The following PTPRD variants were observed in gnomAD, a reference collection of about 807,000 sequenced individuals.
The protein encoded by PTPRD is protein tyrosine phosphatase receptor type D.
In PTPRD, 34 loss-of-function variants were observed where a neutral mutation model predicts 214.5. That is an observed-to-expected ratio of 0.16 (90% confidence interval 0.12 to 0.21). The LOEUF (loss-of-function observed/expected upper bound fraction) is 0.21, where lower values mean the gene tolerates loss of function less well. PTPRD is among the 10% of genes least tolerant of loss of function. The pLI is 1.00. For synonymous variants in PTPRD, 1,128 were observed against 845.7 expected (o/e 1.33, Z -5.79); for missense variants, 2,545 against 2,398.7 (o/e 1.06, Z -1.27).
chr9:10,012,993 C>A (rs895733486), intron 4 of PTPRD, among the ~76,000 whole-genome samples: 3 of 151,866 alleles, frequency 2.0e-5, no homozygotes, highest in Non-Finnish European at 4.4e-5. Context: ...TTTTAATAAT[C>A]ATTTCCATGA....
At chr9:10,060,918 TTC>T (rs1445054086) in intron 3 of PTPRD, among the ~76,000 whole-genome samples, 1 of 124,464 alleles carries the variant, frequency 8.0e-6, no homozygotes, top group Non-Finnish European at 1.5e-5. Context: ...CTTTCTTTCT[TTC>T]TTTCTTTCTT....
At chr9:9,701,364 T>C (rs1036736527) in intron 7 of PTPRD, among the ~76,000 whole-genome samples, 1 of 152,192 alleles carries the variant, frequency 6.6e-6, no homozygotes, top group Non-Finnish European at 1.5e-5. Context: ...TGCTAATAAT[T>C]ACATGGTGTG....
chr9:10,118,769 A>G (rs888021611), intron 3 of PTPRD, among the ~76,000 whole-genome samples: 1 of 151,508 alleles, frequency 6.6e-6, no homozygotes, highest in African/African-American at 2.4e-5. Context: ...TCCAATCACA[A>G]CTAGAATTTG....
At chr9:9,418,430 A>G (rs774972669) in intron 8 of PTPRD, among the ~76,000 whole-genome samples, 26 of 152,000 alleles carry the variant, frequency 1.7e-4, no homozygotes, top group Non-Finnish European at 3.5e-4. Flanking sequence ...TAATGACAAT[A>G]AGAGCTCTTA....
rs539128181 is a variant in PTPRD at position 9,765,836 on chromosome 9, T to G, written c.-326+974A>C. On this transcript the variant is annotated intron_variant, in intron 6 of 45. Coordinates refer to ENST00000381196, the MANE Select transcript of PTPRD (RefSeq NM_002839.4). ...CCACCACCCCTGGCTAATTTTTTTT[T>G]TATTTTTAGTAGAGACGGGGTTTCA... is the stretch of plus-strand genomic sequence containing the variant. Among the ~76,000 whole-genome samples, 693 of 152,070 alleles carry G rather than the reference T, an allele frequency of 4.6e-3. 2 individuals are homozygous for G. The highest frequency in any genetic ancestry group is 0.016 in the African/African-American group (654 of 41,510).
chr9:8,967,670 C>A (rs905791735), intron 11 of PTPRD, among the ~76,000 whole-genome samples: 3 of 152,054 alleles, frequency 2.0e-5, no homozygotes, highest in Middle Eastern at 3.4e-3. Flanking sequence ...TCATAACATG[C>A]AAAAAATAAA....
intron 2 of PTPRD, among the ~76,000 whole-genome samples, chr9:10,601,457 T>G (rs1419224847): frequency 2.0e-5 from 3 of 151,760 alleles, no homozygotes; most frequent in African/African-American, 7.2e-5. Flanking sequence ...TTTTGCTTAT[T>G]TTAGCTAAAT....
intron 32 of PTPRD, among the ~76,000 whole-genome samples, chr9:8,464,331 G>A (rs1294191066): frequency 6.6e-6 from 1 of 152,002 alleles, no homozygotes; most frequent in Non-Finnish European, 1.5e-5. Context: ...TTCCCTTGAT[G>A]TTCTGCCTTA....
chr9:9,062,946 C>A (rs2154402407), intron 10 of PTPRD, among the ~76,000 whole-genome samples: 1 of 152,250 alleles, frequency 6.6e-6, no homozygotes, highest in African/African-American at 2.4e-5. Context: ...TATTTGAATT[C>A]ATCAGAGAAA....
intron 2 of PTPRD, among the ~76,000 whole-genome samples, chr9:10,606,584 G>C (rs1389834769): frequency 6.8e-6 from 1 of 147,696 alleles, no homozygotes; most frequent in Admixed American, 6.8e-5. Context: ...CCTGGAACTT[G>C]AGATAAAATA....
chr9:8,341,742 G>A lies in PTPRD; in HGVS notation c.4898C>T (p.Thr1633Ile), dbSNP rs768923548. The A allele has an allele frequency of 2.5e-6, 4 of 1,613,422 alleles. No homozygotes were observed. The highest frequency in any genetic ancestry group is 2.5e-6 in the Non-Finnish European group (3 of 1,179,656). ...GACATTCTCTCCCGTTTCTATTTGT[G>A]TCAGCTTCTGAATGTAGGCATACAA... ...RNLYAYIQKL[T>I]QIETGENVTG... Residue 1633 changes from threonine (T) to isoleucine (I), a missense_variant, in exon 40 of 46, where the codon ACA (threonine) becomes ATA (isoleucine). Physicochemically the swap from Thr to Ile is moderately conservative, Grantham distance 89. Transcript: ENST00000381196.
chr9:8,679,613 A>G (rs893773573), intron 12 of PTPRD, among the ~76,000 whole-genome samples: 5 of 152,238 alleles, frequency 3.3e-5, no homozygotes, highest in Admixed American at 2.0e-4. Context: ...TGTTGCAGGA[A>G]AAACACATGT....
At chr9:8,709,502 G>T in intron 12 of PTPRD, among the ~76,000 whole-genome samples, 1 of 133,236 alleles carries the variant, frequency 7.5e-6, no homozygotes, top group Non-Finnish European at 1.6e-5. Context: ...GAGACAGAGT[G>T]AGACTCCATC....
At chr9:8,479,229 G>A (rs557688692) in intron 30 of PTPRD, among the ~76,000 whole-genome samples, 1 of 152,228 alleles carries the variant, frequency 6.6e-6, no homozygotes, top group South Asian at 2.1e-4. Flanking sequence ...ATCCCTTTAA[G>A]AATTCCAATA....
chr9:10,248,467 C>T (rs995769493), intron 3 of PTPRD, among the ~76,000 whole-genome samples: 26 of 135,152 alleles, frequency 1.9e-4, no homozygotes, highest in Admixed American at 7.3e-4. Context: ...CAACATGGAT[C>T]GTGTTAAACA....
intron 9 of PTPRD, among the ~76,000 whole-genome samples, chr9:9,285,999 T>C (rs941096997): frequency 6.6e-6 from 1 of 151,786 alleles, no homozygotes; most frequent in African/African-American, 2.4e-5. Flanking sequence ...GAAATCCTTG[T>C]ATAGCCTCAT....
intron 8 of PTPRD, among the ~76,000 whole-genome samples, chr9:9,441,219 C>A (rs926142612): frequency 1.3e-5 from 2 of 152,152 alleles, no homozygotes; most frequent in Admixed American, 1.3e-4. Flanking sequence ...AGCAACAAGC[C>A]TATCCTCGAA....
At chr9:10,225,595 G>C (rs1236074130) in intron 3 of PTPRD, among the ~76,000 whole-genome samples, 1 of 151,980 alleles carries the variant, frequency 6.6e-6, no homozygotes, top group Non-Finnish European at 1.5e-5. Flanking sequence ...TTATTTGGTT[G>C]GTTGTGCTGA....
chr9:9,668,470 C>G (rs2096765352), intron 7 of PTPRD, among the ~76,000 whole-genome samples: 1 of 152,152 alleles, frequency 6.6e-6, no homozygotes, highest in South Asian at 2.1e-4. Flanking sequence ...GCCTTAATTA[C>G]TACTGCCTTT....
Sources: allele counts gnomAD v4.1 joint callset (sites outside exome capture counted in the v4.1 genomes callset), GRCh38; gene constraint gnomAD v4.1.1; transcripts MANE v1.5; gene names NCBI Gene and HGNC (gene_info 2026-07-23, HGNC 2026-07-21).